Variants in RASSF3 observed in about 807,000 individuals in gnomAD.
RASSF3 encodes the protein ras association domain-containing protein 3.
In RASSF3, 19 loss-of-function variants were observed where a neutral mutation model predicts 19.9. The observed-to-expected ratio is 0.96, with a 90% CI of 0.67 to 1.40. RASSF3 has a LOEUF of 1.40. RASSF3 is among the 40% of genes most tolerant of loss of function. The pLI is 0.00. For missense variants in RASSF3, 306 were observed against 289.8 expected, an observed-to-expected ratio of 1.06 and a Z score of -0.41; for synonymous variants, 110 against 104.2, an observed-to-expected ratio of 1.06 and a Z score of -0.34.
intron 1 of RASSF3, among the ~76,000 whole-genome samples, chr12:64,611,038 C>T (rs554893140): frequency 2.5e-4 from 38 of 152,328 alleles, no homozygotes; most frequent in African/African-American, 7.7e-4. Context: ...GGGGAGCAGC[C>T]CCGGAGCCAG....
At chr12:64,522,398 G>A (rs1366259551) in intron 1 of RASSF3, among the ~76,000 whole-genome samples, 1 of 152,042 alleles carries the variant, frequency 6.6e-6, no homozygotes, top group Non-Finnish European at 1.5e-5. Context: ...CTGTCCTTTA[G>A]CATGTTAGGG....
intron 1 of RASSF3, among the ~76,000 whole-genome samples, chr12:64,678,720 T>C (rs1371806372): frequency 1.4e-5 from 2 of 143,858 alleles, no homozygotes; most frequent in African/African-American, 5.2e-5. Flanking sequence ...TAAGGTAAAC[T>C]AGGCTGTCAG....
At chr12:64,556,467 GTTC>G (rs897881878) in intron 2 of RASSF3, among the ~76,000 whole-genome samples, 9 of 152,076 alleles carry the variant, frequency 5.9e-5, no homozygotes, top group African/African-American at 2.2e-4. Context: ...CAAGTGGGGA[GTTC>G]TTCTATAAAA....
intron 1 of RASSF3, among the ~76,000 whole-genome samples, chr12:64,649,435 G>A (rs1486737836): frequency 6.6e-6 from 1 of 151,970 alleles, no homozygotes; most frequent in African/African-American, 2.4e-5. Context: ...CTTGTGATCC[G>A]TCTGCCTTGG....
chr12:64,578,887 G>A (rs1007708800), intron 2 of RASSF3, among the ~76,000 whole-genome samples: 7 of 152,200 alleles, frequency 4.6e-5, no homozygotes, highest in East Asian at 1.9e-4. Context: ...GCTCATGCCT[G>A]TAATCCCAGC....
chr12:64,543,452 G>GCCTGCCCCCCCGCTGCCCGC (rs1868985937), downstream of RASSF3, among the ~76,000 whole-genome samples: 1 of 10,862 alleles, frequency 9.2e-5, no homozygotes, highest in Admixed American at 9.9e-4. Flanking sequence ...GTGCCCGCCC[G>GCCTGCCCCCCCGCTGCCCGC]CCCCCCGCTC....
intron 1 of RASSF3, 103 bp from the exon 2 acceptor site, chr12:64,684,684 G>C (rs564263904): frequency 1.4e-6 from 1 of 723,044 alleles, no homozygotes; most frequent in Non-Finnish European, 2.5e-6. Context: ...GCCCACCTCA[G>C]CCTCCCAAAG....
chr12:64,667,940 G>A (rs988520776), intron 1 of RASSF3, among the ~76,000 whole-genome samples: 3 of 152,216 alleles, frequency 2.0e-5, no homozygotes, highest in Non-Finnish European at 2.9e-5. Context: ...CTGGAAAGAT[G>A]TACTTTCCCA....
intron 1 of RASSF3, among the ~76,000 whole-genome samples, chr12:64,655,621 C>T (rs1872129694): frequency 6.6e-6 from 1 of 152,032 alleles, no homozygotes. Flanking sequence ...TCTTGAAATG[C>T]ATATCTTAGT....
chr12:64,595,453 G>C (rs1869986201), intron 2 of RASSF3, among the ~76,000 whole-genome samples: 1 of 152,102 alleles, frequency 6.6e-6, no homozygotes. Context: ...CCTGCACCTG[G>C]AAGTCCAAAA....
chr12:64,572,253 C>T (rs539993892), intron 2 of RASSF3, among the ~76,000 whole-genome samples: 5 of 152,086 alleles, frequency 3.3e-5, no homozygotes, highest in Admixed American at 6.6e-5. Context: ...GGAGACAATT[C>T]GATTTAGATG....
intron 1 of RASSF3, among the ~76,000 whole-genome samples, chr12:64,676,166 ATTTTTTT>A (rs35376691): frequency 9.4e-5 from 10 of 106,404 alleles, no homozygotes; most frequent in East Asian, 3.0e-4. Flanking sequence ...CAGGAGTAGA[ATTTTTTT>A]TTTTTTTTTT....
intron 2 of RASSF3, among the ~76,000 whole-genome samples, chr12:64,578,127 G>A (rs1320790668): frequency 6.6e-6 from 1 of 152,044 alleles, no homozygotes; most frequent in Non-Finnish European, 1.5e-5. Flanking sequence ...GGAGGCTGAG[G>A]CAGGAGAATA....
intron 1 of RASSF3, among the ~76,000 whole-genome samples, chr12:64,641,264 T>C (rs1336216266): frequency 6.6e-6 from 1 of 151,292 alleles, no homozygotes; most frequent in Admixed American, 6.6e-5. Flanking sequence ...GGCGTGGTGG[T>C]GTGTGCCTGT....
At chr12:64,595,591 GT>G (rs1460495311) in intron 2 of RASSF3, among the ~76,000 whole-genome samples, 1 of 152,040 alleles carries the variant, frequency 6.6e-6, no homozygotes, top group Non-Finnish European at 1.5e-5. Flanking sequence ...CTGTTAATTT[GT>G]TTTTTGTCAA....
chr12:64,593,017 C>A (rs1869948067), intron 2 of RASSF3, among the ~76,000 whole-genome samples: 1 of 151,918 alleles, frequency 6.6e-6, no homozygotes. Flanking sequence ...TTTGCAAGTA[C>A]CTTTTCCTCA....
chr12:64,587,575 C>T (rs1051813448), intron 2 of RASSF3, among the ~76,000 whole-genome samples: 2 of 152,088 alleles, frequency 1.3e-5, no homozygotes, highest in Non-Finnish European at 1.5e-5. Context: ...GAGTGGGTCA[C>T]GATTCACAGG....
chr12:64,665,752 T>C (rs559167158), intron 1 of RASSF3, among the ~76,000 whole-genome samples: 32 of 152,348 alleles, frequency 2.1e-4, no homozygotes, highest in South Asian at 2.1e-3. Flanking sequence ...GCTGCTGTTA[T>C]GGAGCAGTCA....
chr12:64,599,898 G>A (rs1197049763), intron 2 of RASSF3, among the ~76,000 whole-genome samples: 2 of 151,904 alleles, frequency 1.3e-5, no homozygotes, highest in Non-Finnish European at 2.9e-5. Context: ...CGGGCGTGGT[G>A]GCGGGCGCCT....
Sources: gnomAD v4.1 joint callset for allele counts (sites outside exome capture counted in the v4.1 genomes callset) on GRCh38, gnomAD v4.1.1 for gene constraint, MANE v1.5 for transcripts, NCBI Gene and HGNC (gene_info 2026-07-23, HGNC 2026-07-21) for gene names.